The following CDH8 variants were observed in gnomAD, a reference collection of about 807,000 sequenced individuals.
CDH8 encodes cadherin 8, also known as cadherin-8.
A neutral mutation model predicts 68.1 loss-of-function variants in CDH8; 17 were observed. The ratio of observed to expected loss-of-function variants is 0.25; its 90% CI spans 0.17 to 0.37. CDH8 has a LOEUF of 0.37. Among genes scored for constraint, CDH8 ranks in the 10% least tolerant of loss-of-function variants. CDH8 has a pLI of 1.00. For synonymous variants in CDH8, 372 were observed against 365.1 expected, an observed-to-expected ratio of 1.02 and a Z score of -0.21; for missense variants, 763 against 999.3, an observed-to-expected ratio of 0.76 and a Z score of 3.19.
chr16:61,690,049 T>C (rs1964187669), intron 10 of CDH8, among the ~76,000 whole-genome samples: 1 of 152,110 alleles, frequency 6.6e-6, no homozygotes, highest in South Asian at 2.1e-4. Flanking sequence ...AAAGTTGACA[T>C]ACTTCAAAAT....
At chr16:62,015,083 A>G (rs1402072699) in intron 2 of CDH8, among the ~76,000 whole-genome samples, 1 of 152,164 alleles carries the variant, frequency 6.6e-6, no homozygotes, top group East Asian at 1.9e-4. Flanking sequence ...AAAAGCTCCA[A>G]CATCTGAAAG....
chr16:61,798,260 A>C (rs1961543050), intron 7 of CDH8, among the ~76,000 whole-genome samples: 1 of 152,188 alleles, frequency 6.6e-6, no homozygotes, highest in Non-Finnish European at 1.5e-5. Flanking sequence ...ATTTAATGTC[A>C]ACAAAGTTTT....
At chr16:61,762,058 T>A (rs1567458309) in intron 8 of CDH8, among the ~76,000 whole-genome samples, 1 of 152,072 alleles carries the variant, frequency 6.6e-6, no homozygotes. Flanking sequence ...GATTAGTGGT[T>A]GCCATGAACT....
intron 2 of CDH8, among the ~76,000 whole-genome samples, chr16:61,942,975 G>A (rs753280299): frequency 1.1e-4 from 17 of 152,264 alleles, no homozygotes; most frequent in East Asian, 5.8e-4. Flanking sequence ...TGGGAAGATC[G>A]CTTGAGTCCG....
At position 61,647,519 on chromosome 16, in the gene CDH8, C is replaced by A; in HGVS notation, c.*6089G>T. The A allele has an allele frequency of 2.7e-6, 1 of 372,890 alleles. No individual in the cohort carries two copies. Among genetic ancestry groups the A allele is most frequent in the Non-Finnish European group, 4.8e-6 (1 of 206,746 alleles). The allele number at this position is 372,890 out of a possible 1,614,324, so 23.1% of individuals were successfully genotyped here. A position where few individuals can be genotyped will look rare whatever the true frequency, so the allele number is the denominator to read the frequency against. ...TAAATTGTCATGTTCCATCTTAGAG[C>A]ATAATTGTTAAAATCTTCCTCTTAT... is the stretch of plus-strand genomic sequence containing the variant. On this transcript the variant is annotated 3_prime_UTR_variant, in exon 12 of 12. Transcript: ENST00000577390.
intron 10 of CDH8, among the ~76,000 whole-genome samples, chr16:61,688,684 T>C (rs1273260769): frequency 6.6e-6 from 1 of 151,918 alleles, no homozygotes; most frequent in Non-Finnish European, 1.5e-5. Context: ...TCCCTGCCAT[T>C]CTATCCTCAG....
intron 10 of CDH8, among the ~76,000 whole-genome samples, chr16:61,707,154 G>T (rs1567433245): frequency 1.3e-5 from 2 of 152,064 alleles, no homozygotes; most frequent in Admixed American, 6.6e-5. Flanking sequence ...CCTTATTTAG[G>T]TTCCTTATTA....
At chr16:61,884,719 A>G (rs1200067008) in intron 3 of CDH8, among the ~76,000 whole-genome samples, 2 of 152,082 alleles carry the variant, frequency 1.3e-5, no homozygotes, top group Non-Finnish European at 2.9e-5. Context: ...AGCTTACTTT[A>G]TTGTAAGAAT....
At chr16:61,948,101 C>T (rs900907338) in intron 2 of CDH8, among the ~76,000 whole-genome samples, 2 of 152,106 alleles carry the variant, frequency 1.3e-5, no homozygotes, top group African/African-American at 4.8e-5. Flanking sequence ...ATCATACAAA[C>T]GTATGACCCT....
rs573800980 is a variant in CDH8, at chr16:61,722,869, A to C, written c.1536+4225T>G. 3.3e-5 allele frequency among the ~76,000 whole-genome samples: 5 copies of C among 150,750 alleles called. 1 individual carries two copies. The South Asian group carries it at 1.0e-3, about 31-fold the overall frequency. On this transcript the variant is annotated intron_variant, in intron 9 of 11. Coordinates refer to ENST00000577390, the MANE Select transcript of CDH8 (RefSeq NM_001796.5). ...AAGATGAGATGAAAGAAGAGAAACC[A>C]AAATATTTTTGTTTCTCTTTTTTAA...
chr16:61,995,514 A>T (rs1188540603), intron 2 of CDH8, among the ~76,000 whole-genome samples: 1 of 152,050 alleles, frequency 6.6e-6, no homozygotes, highest in East Asian at 1.9e-4. Context: ...AGTAGCTGGG[A>T]CTACAGGCAT....
chr16:62,017,386 A>T (rs1397135), intron 2 of CDH8, among the ~76,000 whole-genome samples: 67,960 of 152,058 alleles, frequency 0.45, 17,862 homozygotes, highest in East Asian at 0.66. Flanking sequence ...ACTCTCTAAG[A>T]ATATGACTTT....
intron 7 of CDH8, among the ~76,000 whole-genome samples, chr16:61,804,061 G>C (rs1347692940): frequency 5.3e-5 from 7 of 131,686 alleles, no homozygotes; most frequent in East Asian, 4.0e-4. Context: ...TGACCACATA[G>C]TTGGAAGTAA....
At chr16:61,885,599 G>A (rs1466615240) in intron 3 of CDH8, among the ~76,000 whole-genome samples, 6 of 151,094 alleles carry the variant, frequency 4.0e-5, no homozygotes, top group Non-Finnish European at 8.8e-5. Context: ...TTTCATTTAA[G>A]TTTGACATTG....
chr16:61,992,050 TTG>T (rs11271459), intron 2 of CDH8, among the ~76,000 whole-genome samples: 1,724 of 144,342 alleles, frequency 0.012, 19 homozygotes, highest in Middle Eastern at 0.025. Context: ...TGCTAAATCT[TTG>T]TGTGTGTGTG....
At chr16:61,974,769 C>T (rs556332162) in intron 2 of CDH8, among the ~76,000 whole-genome samples, 11 of 152,218 alleles carry the variant, frequency 7.2e-5, no homozygotes, top group African/African-American at 2.6e-4. Context: ...TCGTAATACC[C>T]AGCAGATCTG....
At chr16:61,868,464 C>T (rs192397104) in intron 3 of CDH8, among the ~76,000 whole-genome samples, 66 of 152,158 alleles carry the variant, frequency 4.3e-4, no homozygotes, top group Non-Finnish European at 7.5e-4. Context: ...TAAAGAATAA[C>T]GGTAAGGGTT....
chr16:61,781,902 C>T (rs1596962094), intron 8 of CDH8, among the ~76,000 whole-genome samples: 1 of 152,142 alleles, frequency 6.6e-6, no homozygotes, highest in Admixed American at 6.5e-5. Flanking sequence ...CAAGGAGAAA[C>T]TGCCGTGATG....
Position 62,029,869 on chromosome 16 carries a change from A to T in CDH8, c.-200+6211T>A, listed in dbSNP as rs150844502. Among the ~76,000 whole-genome samples, 404 of 152,350 alleles carry T rather than the reference A, an allele frequency of 2.7e-3. 3 individuals are homozygous for T. The highest frequency in any genetic ancestry group is 9.2e-3 in the African/African-American group (384 of 41,590). On this transcript the variant is annotated intron_variant, in intron 1 of 11. Transcript: ENST00000577390. Reference sequence around the variant, plus strand: ...GCAACTAACTTTTTCTATTTATTTCAAGAAACTTTAGCATTGATGACAGAA... The same window carrying T: ...GCAACTAACTTTTTCTATTTATTTCTAGAAACTTTAGCATTGATGACAGAA...
Sources: gnomAD v4.1 joint callset for allele counts (sites outside exome capture counted in the v4.1 genomes callset) on GRCh38, gnomAD v4.1.1 for gene constraint, MANE v1.5 for transcripts, NCBI Gene and HGNC (gene_info 2026-07-23, HGNC 2026-07-21) for gene names.